CCDC107: variants seen among roughly 807,000 people sequenced by gnomAD.
CCDC107 encodes the protein coiled-coil domain containing 107, also known as coiled-coil domain-containing protein 107.
A neutral mutation model predicts 17.9 loss-of-function variants in CCDC107; 17 were observed. That is an observed-to-expected ratio of 0.95 (90% CI 0.65 to 1.42). CCDC107 has a LOEUF of 1.42. Ranked by LOEUF, CCDC107 falls within the 40% of genes most tolerant of loss-of-function variation. CCDC107 has a pLI of 0.00. For missense variants in CCDC107, 388 were observed against 360.1 expected, an observed-to-expected ratio of 1.08 and a Z score of -0.63; for synonymous variants, 170 against 157.2, an observed-to-expected ratio of 1.08 and a Z score of -0.61.
At position 35,660,390 on chromosome 9, in the gene CCDC107, T is replaced by G; in HGVS notation, c.259-11T>G. On this transcript the variant is annotated splice_polypyrimidine_tract_variant and intron_variant, in intron 2 of 4. Coordinates refer to ENST00000426546, the MANE Select transcript of CCDC107 (RefSeq NM_174923.3). ...TTGCTTCAGTACTGCCCTTTCCTTC[T>G]TCCACAACAGGGGAAAGATGAAACT... 1 of 1,587,634 alleles carries G rather than the reference T, an allele frequency of 6.3e-7. No individual in the cohort carries two copies. Among genetic ancestry groups the G allele is most frequent in the Non-Finnish European group, 8.6e-7 (1 of 1,167,578 alleles).
rs1277703156 is a variant in CCDC107 at position 35,660,747 on chromosome 9, G to A, written c.412G>A (p.Val138Met). 5 of 1,613,850 alleles carry A rather than the reference G, an allele frequency of 3.1e-6. No homozygotes were observed. The Admixed American group carries it at 6.7e-5, about 22-fold the overall frequency. Residue 138 changes from valine (V) to methionine (M), a missense_variant and splice_region_variant, in exon 5 of 5, where the codon GTG becomes ATG. By Grantham distance (21) the Val-to-Met change is conservative (BLOSUM62 1). Coordinates refer to ENST00000426546, the MANE Select transcript of CCDC107 (RefSeq NM_174923.3). ...GCCACTGAGTGGACATTTCTTCAGT[G>A]TGACTACTCTGGCTGGAGCCCAGCA... ...MAQLDPLFER[V>M]TTLAGAQQEL...
chr9:35,658,718 G>T lies in CCDC107; in HGVS notation c.249G>T (p.Lys83Asn). The change falls in exon 2 of 5, where the codon AAG becomes AAT. Residue 83 changes from lysine (K) to asparagine (N), a missense_variant. By Grantham distance (94) the Lys-to-Asn change is moderately conservative (BLOSUM62 0). Coordinates refer to ENST00000426546, the MANE Select transcript of CCDC107 (RefSeq NM_174923.3). Reference protein sequence around the residue: ...TAAVAAFVLYKCLQGKDETAV... With the variant: ...TAAVAAFVLYNCLQGKDETAV... Reference sequence around the variant, plus strand: ...CCGTCGCGGCTTTTGTGCTGTACAAGTGTTTGCAGGTACGGGGCGGCCGGG... The same window carrying T: ...CCGTCGCGGCTTTTGTGCTGTACAATTGTTTGCAGGTACGGGGCGGCCGGG... 1 of 1,517,812 alleles carries T rather than the reference G, an allele frequency of 6.6e-7. No homozygotes were observed. The highest frequency in any genetic ancestry group is 1.2e-5 in the South Asian group (1 of 82,888). The allele number at this position is 1,517,812 out of a possible 1,614,324, so 94.0% of individuals were successfully genotyped here.
At position 35,658,781 on chromosome 9, in the gene CCDC107, TG is replaced by T. The variant is rs773229007; in HGVS notation, c.258+58del. ...CCTGCAGGTGCGGGACCGCCGGGCG[TG>T]GGGATCCCCTGAGCCCGAATCTCCC... On this transcript the variant is annotated intron_variant, in intron 2 of 4. Coordinates refer to ENST00000426546, the MANE Select transcript of CCDC107 (RefSeq NM_174923.3). 93 of 1,187,042 alleles carry T rather than the reference TG, an allele frequency of 7.8e-5. 1 individual carries two copies. The highest frequency in any genetic ancestry group is 9.2e-6 in the Non-Finnish European group (8 of 870,450). The allele number at this position is 1,187,042 out of a possible 1,614,324, so 73.5% of individuals were successfully genotyped here.
rs1449892773 is a variant in CCDC107, at chr9:35,660,850, C to T, written c.515C>T (p.Ser172Leu). The stretch of plus-strand genomic sequence containing the variant: ...AAGCCGGACAAGGATATGGAGGCTT[C>T]AGAACCAGGTGAAGGCTCGGGAGGC... The part of the protein sequence containing the change: ...DSKPDKDMEA[S>L]EPGEGSGGES... The change falls in exon 5 of 5, where the codon TCA becomes TTA. Residue 172 changes from serine to leucine, a missense_variant. Transcript: ENST00000426546. 1 of 1,614,168 alleles carries T rather than the reference C, an allele frequency of 6.2e-7. No individual in the cohort carries two copies. Among genetic ancestry groups the T allele is most frequent in the East Asian group, 2.2e-5 (1 of 44,886 alleles).
In CCDC107 at chr9:35,658,628, G is replaced by C; in HGVS notation, c.159G>C (p.Pro53=). 1.3e-6 allele frequency: 2 copies of C among 1,569,058 alleles called. No individual in the cohort carries two copies. The highest frequency in any genetic ancestry group is 1.7e-6 in the Non-Finnish European group (2 of 1,159,900). ...SGATEPRRRP[P]LKDQRERTRA... Reference sequence around the variant, plus strand: ...CCACGGAACCCCGGCGGCGACCACCGCTCAAGGATCAACGCGAGCGGACCC... The same window carrying C: ...CCACGGAACCCCGGCGGCGACCACCCCTCAAGGATCAACGCGAGCGGACCC... The change falls in exon 2 of 5, where the codon CCG becomes CCC. Residue 53 remains proline (P), a synonymous_variant. Coordinates refer to ENST00000426546, the MANE Select transcript of CCDC107 (RefSeq NM_174923.3).
In CCDC107 at chr9:35,660,947, C is replaced by A. The variant is rs764221631; in HGVS notation, c.612C>A (p.Ser204Arg). 1 of 1,614,206 alleles carries A rather than the reference C, an allele frequency of 6.2e-7. No homozygotes were observed. The change falls in exon 5 of 5, where the codon AGC becomes AGA. Residue 204 changes from serine to arginine, a missense_variant. Physicochemically the swap from Ser to Arg is moderately radical, Grantham distance 110 (BLOSUM62 -1). Coordinates refer to ENST00000426546, the MANE Select transcript of CCDC107 (RefSeq NM_174923.3). ...TGATCTCTCCCCACACAGAGGCCAG[C>A]AGACCTCTTCCTGAGGACTTCTGTT... is the stretch of plus-strand genomic sequence containing the variant. ...TFLISPHTEA[S>R]RPLPEDFCLK...
chr9:35,660,516 A>G, intron 3 of CCDC107, 41 bp from the exon 4 acceptor site: 1 of 1,612,512 alleles, frequency 6.2e-7, no homozygotes, highest in Non-Finnish European at 8.5e-7. Context: ...ACAGCAGAAG[A>G]TACATAACCA....
chr9:35,658,297 C>G lies in CCDC107; in HGVS notation c.-83C>G. The G allele has an allele frequency of 2.6e-6, 3 of 1,172,902 alleles. No homozygotes were observed. The highest frequency in any genetic ancestry group is 3.3e-6 in the Non-Finnish European group (3 of 914,520). 72.7% of individuals were successfully genotyped at this position (1,172,902 alleles called of 1,614,324 possible). On this transcript the variant is annotated 5_prime_UTR_variant, in exon 1 of 5. Transcript: ENST00000426546. ...TCCCCGGAGCCGGCCGGCCTGCTCGCGTGCGCGTGCGCGTTGGGGCGGCCG... is the reference window on the plus strand; with the variant it reads ...TCCCCGGAGCCGGCCGGCCTGCTCGGGTGCGCGTGCGCGTTGGGGCGGCCG...
Position 35,658,402 on chromosome 9 carries a change from TG to T in CCDC107, c.26del (p.Gly9ValfsTer15). 1 of 1,427,990 alleles carries T rather than the reference TG, an allele frequency of 7.0e-7. No homozygotes were observed. The allele number at this position is 1,427,990 out of a possible 1,614,324, so 88.5% of individuals were successfully genotyped here. On this transcript the variant is annotated frameshift_variant, in exon 1 of 5. Transcript: ENST00000426546. LOFTEE classifies it high-confidence loss of function. MAGAVSLLGVVGLLLVSA... is the reference protein window; with the variant it reads MAGAVSLXGVVGLLLVSA... ...GCAATGGCGGGCGCAGTTTCGCTCT[TG>T]GGTGTGGTGGGGCTGCTGCTTGTGT...
rs895168551 is a variant in CCDC107 at position 35,660,766 on chromosome 9, C to G, written c.431C>G (p.Ala144Gly). ...TTCAGTGTGACTACTCTGGCTGGAGCCCAGCAGGAGCTTCTGAACATGAAG... is the reference window on the plus strand; with the variant it reads ...TTCAGTGTGACTACTCTGGCTGGAGGCCAGCAGGAGCTTCTGAACATGAAG... ...LFERVTTLAG[A>G]QQELLNMKLW... The change falls in exon 5 of 5, where the codon GCC becomes GGC. Residue 144 changes from alanine (A) to glycine (G), a missense_variant. Ala to Gly is a moderately conservative substitution (Grantham distance 60, BLOSUM62 0). Transcript: ENST00000426546. The G allele has an allele frequency of 6.2e-7, 1 of 1,613,850 alleles. No homozygotes were observed. Among genetic ancestry groups the G allele is most frequent in the African/African-American group, 1.3e-5 (1 of 75,004 alleles).
intron 2 of CCDC107, chr9:35,660,186 G>A (rs780386606): frequency 1.1e-4 from 55 of 499,364 alleles, no homozygotes; most frequent in Non-Finnish European, 1.7e-4. Context: ...CTCATTCCTG[G>A]AGGTGTTTCA....
rs770497181 is a variant in CCDC107, at chr9:35,660,917, A to T, written c.582A>T (p.Thr194=). Residue 194 remains threonine (T), a synonymous_variant, in exon 5 of 5, where the codon ACA becomes ACT. Transcript: ENST00000426546. ...GAGACAAAGTCTCTGAAACTGGAAC[A>T]TTCCTGATCTCTCCCCACACAGAGG... is the stretch of plus-strand genomic sequence containing the variant. ...GGGDKVSETG[T]FLISPHTEAS... The T allele has an allele frequency of 6.2e-7, 1 of 1,614,188 alleles. No homozygotes were observed. Among genetic ancestry groups the T allele is most frequent in the Non-Finnish European group, 8.5e-7 (1 of 1,180,038 alleles).
intron 2 of CCDC107, chr9:35,659,977 T>G (rs1353572192): frequency 6.5e-6 from 1 of 154,614 alleles, no homozygotes; most frequent in Non-Finnish European, 1.4e-5. Flanking sequence ...CTCAAGTAAC[T>G]GGGATTACAG....
chr9:35,658,545 C>T (rs1200375117), intron 1 of CCDC107, 31 bp from the exon 2 acceptor site: 3 of 1,550,156 alleles, frequency 1.9e-6, no homozygotes, highest in South Asian at 1.2e-5. Context: ...GGCCCCAGCT[C>T]GGCTGACTCG....
rs756924613 is a variant in CCDC107, at chr9:35,660,998, T to A, written c.663T>A (p.Gly221=). The change falls in exon 5 of 5, where the codon GGT becomes GGA. Residue 221 remains glycine (G), a synonymous_variant. Transcript: ENST00000426546. The part of the protein sequence containing the change: ...FCLKEDEEEI[G]DSQAWEEPTN... ...TAAAGGAGGACGAGGAGGAGATTGG[T>A]GACAGTCAGGCCTGGGAGGAGCCCA... The A allele has an allele frequency of 3.7e-6, 6 of 1,613,916 alleles. No individual in the cohort carries two copies. Among genetic ancestry groups the A allele is most frequent in the Non-Finnish European group, 5.1e-6 (6 of 1,180,022 alleles).
Position 35,661,430 on chromosome 9 carries a change from G to T in CCDC107, c.*243G>T. The T allele has an allele frequency of 4.4e-6, 2 of 451,154 alleles. No individual in the cohort carries two copies. The highest frequency in any genetic ancestry group is 5.9e-5 in the South Asian group (1 of 17,042). 27.9% of individuals were successfully genotyped at this position (451,154 alleles called of 1,614,324 possible). On this transcript the variant is annotated 3_prime_UTR_variant, in exon 5 of 5. Coordinates refer to ENST00000426546, the MANE Select transcript of CCDC107 (RefSeq NM_174923.3). ...TCTCATAGCAAAACTGAGACAGAAG[G>T]GTCTTTCCCAAAAAAAAGAAAAAAA...
In CCDC107 at chr9:35,658,516, G is replaced by A. The variant is rs1444739090; in HGVS notation, c.106+31G>A. 6 of 1,508,160 alleles carry A rather than the reference G, an allele frequency of 4.0e-6. No individual in the cohort carries two copies. In the African/African-American group the frequency reaches 8.6e-5, roughly 22 times the overall value. The allele number at this position is 1,508,160 out of a possible 1,614,324, so 93.4% of individuals were successfully genotyped here. Reference sequence around the variant, plus strand: ...AGCTAGGGCTGCTGGAGGAGGGCTGGGACTGCGCACGGGTCCCAGGCCCCA... The same window carrying A: ...AGCTAGGGCTGCTGGAGGAGGGCTGAGACTGCGCACGGGTCCCAGGCCCCA... On this transcript the variant is annotated intron_variant, in intron 1 of 4. Transcript: ENST00000426546.
In CCDC107 at chr9:35,660,753, A is replaced by G. The variant is rs778200263; in HGVS notation, c.418A>G (p.Thr140Ala). 14 of 1,613,692 alleles carry G rather than the reference A, an allele frequency of 8.7e-6. No individual in the cohort carries two copies. The East Asian group carries it at 3.1e-4, about 36-fold the overall frequency. The change falls in exon 5 of 5, where the codon ACT (threonine) becomes GCT (alanine). Residue 140 changes from threonine to alanine, a missense_variant. By Grantham distance (58) the Thr-to-Ala change is moderately conservative (BLOSUM62 0). Transcript: ENST00000426546. Reference protein sequence around the residue: ...QLDPLFERVTTLAGAQQELLN... With the variant: ...QLDPLFERVTALAGAQQELLN... ...GAGTGGACATTTCTTCAGTGTGACT[A>G]CTCTGGCTGGAGCCCAGCAGGAGCT...
chr9:35,658,432 C>T lies in CCDC107; in HGVS notation c.53C>T (p.Ala18Val). ...LGVVGLLLVS[A>V]LSGVLGDRAN... ...GTGGTGGGGCTGCTGCTTGTGTCTGCGCTGTCCGGGGTCCTAGGAGACCGC... is the reference window on the plus strand; with the variant it reads ...GTGGTGGGGCTGCTGCTTGTGTCTGTGCTGTCCGGGGTCCTAGGAGACCGC... Residue 18 changes from alanine (A) to valine (V), a missense_variant, in exon 1 of 5, where the codon GCG becomes GTG. Transcript: ENST00000426546. 1 of 1,464,918 alleles carries T rather than the reference C, an allele frequency of 6.8e-7. No individual in the cohort carries two copies. The highest frequency in any genetic ancestry group is 9.0e-7 in the Non-Finnish European group (1 of 1,108,004). The allele number at this position is 1,464,918 out of a possible 1,614,324, so 90.7% of individuals were successfully genotyped here.
Sources: allele counts gnomAD v4.1 joint callset, GRCh38; gene constraint gnomAD v4.1.1; transcripts MANE v1.5; gene names NCBI Gene and HGNC (gene_info 2026-07-23, HGNC 2026-07-21).